ASTN1: variants seen among roughly 807,000 people sequenced by gnomAD.
The protein encoded by ASTN1 is astrotactin-1.
ASTN1 carries 41 observed loss-of-function variants against 140.7 expected under a neutral mutation model. The ratio of observed to expected loss-of-function variants is 0.29; its 90% CI spans 0.23 to 0.38. ASTN1 has a LOEUF of 0.38. Among genes scored for constraint, ASTN1 ranks in the 10% least tolerant of loss-of-function variants. ASTN1 has a pLI of 1.00. For missense variants in ASTN1, 1,479 were observed against 1,678.8 expected, an observed-to-expected ratio of 0.88 and a Z score of 2.08; for synonymous variants, 640 against 652.2, an observed-to-expected ratio of 0.98 and a Z score of 0.29.
chr1:177,141,458 A>C (rs1231776100), intron 1 of ASTN1, among the ~76,000 whole-genome samples: 1 of 141,286 alleles, frequency 7.1e-6, no homozygotes, highest in African/African-American at 3.1e-5. Flanking sequence ...GATCTGATTG[A>C]TGAATATGGG....
chr1:176,917,965 CATCAT>C (rs1670561964), intron 16 of ASTN1, among the ~76,000 whole-genome samples: 1 of 152,150 alleles, frequency 6.6e-6, no homozygotes. Context: ...CTATTTCCAT[CATCAT>C]TATTTCTCAG....
chr1:176,868,688 T>C, intron 22 of ASTN1, 156 bp downstream of exon 22: 1 of 707,298 alleles, frequency 1.4e-6, no homozygotes, highest in Non-Finnish European at 2.1e-6. Flanking sequence ...AAAACTAATC[T>C]GCATGGACTG....
chr1:176,999,046 T>A (rs923190157), intron 8 of ASTN1, among the ~76,000 whole-genome samples: 5 of 152,228 alleles, frequency 3.3e-5, no homozygotes, highest in Non-Finnish European at 7.3e-5. Context: ...TTATTACCTA[T>A]TATTATTGTC....
rs1168349895 is a variant in ASTN1 at position 176,862,859 on chromosome 1, G to A, written c.*1425C>T. 1 of 985,324 alleles carries A rather than the reference G, an allele frequency of 1.0e-6. No individual in the cohort carries two copies. The highest frequency in any genetic ancestry group is 1.7e-5 in the African/African-American group (1 of 57,242). The allele number at this position is 985,324 out of a possible 1,614,324, so 61.0% of individuals were successfully genotyped here. ...AGAAAAAAAACCAATATAGCTCAAT[G>A]ACTAGCCTTATAGGTCTTGCATCTG... On this transcript the variant is annotated 3_prime_UTR_variant, in exon 23 of 23. Transcript: ENST00000361833.
At chr1:176,951,825 A>C (rs528859892) in intron 11 of ASTN1, among the ~76,000 whole-genome samples, 1 of 152,356 alleles carries the variant, frequency 6.6e-6, no homozygotes, top group South Asian at 2.1e-4. Context: ...CAATAAAGCC[A>C]AAAATAGTAT....
chr1:176,979,956 T>C (rs1013454357), intron 8 of ASTN1, among the ~76,000 whole-genome samples: 3 of 152,196 alleles, frequency 2.0e-5, no homozygotes, highest in Middle Eastern at 3.4e-3. Context: ...AATTAACTGG[T>C]GACAAAATTA....
At chr1:176,933,450 T>C (rs376086948) in intron 16 of ASTN1, among the ~76,000 whole-genome samples, 8 of 152,246 alleles carry the variant, frequency 5.3e-5, no homozygotes, top group East Asian at 1.9e-4. Context: ...AGAAATTCCA[T>C]GAATGGCAAT....
At chr1:177,030,544 GATGAACGGCCTTTT>G (rs1317252660) in intron 4 of ASTN1, among the ~76,000 whole-genome samples, 2 of 152,182 alleles carry the variant, frequency 1.3e-5, no homozygotes, top group African/African-American at 4.8e-5. Context: ...ACAATGCTGT[GATGAACGGCCTTTT>G]ACACACTTCT....
chr1:176,991,139 G>A (rs935078344), intron 8 of ASTN1, among the ~76,000 whole-genome samples: 2 of 152,070 alleles, frequency 1.3e-5, no homozygotes, highest in African/African-American at 2.4e-5. Flanking sequence ...CGGGTGCAGT[G>A]GCTCATGCCT....
intron 16 of ASTN1, among the ~76,000 whole-genome samples, chr1:176,933,424 TG>T (rs1300352447): frequency 2.0e-5 from 3 of 152,230 alleles, no homozygotes; most frequent in African/African-American, 7.2e-5. Context: ...CAGAATGCCA[TG>T]TGGATAAACT....
intron 21 of ASTN1, among the ~76,000 whole-genome samples, chr1:176,869,344 CTTAAGT>C (rs1210709202): frequency 1.3e-5 from 2 of 152,070 alleles, no homozygotes; most frequent in African/African-American, 4.8e-5. Flanking sequence ...CCCCACCAGG[CTTAAGT>C]TTTCTATTCT....
rs1303402783 is a variant in ASTN1, at chr1:176,866,595, A to G, written c.3648-2074T>C. The stretch of plus-strand genomic sequence containing the variant: ...AACAAAGAACTTACATCATCCTTCC[A>G]AAAGAATGAATTAAATTAGTCCACA... On this transcript the variant is annotated intron_variant, in intron 22 of 22. Transcript: ENST00000361833. Among the ~76,000 whole-genome samples, 5 of 152,204 alleles carry G rather than the reference A, an allele frequency of 3.3e-5. No homozygotes were observed. The East Asian group carries it at 9.6e-4, about 29-fold the overall frequency.
chr1:177,036,842 C>T (rs1237067852), intron 2 of ASTN1, among the ~76,000 whole-genome samples: 2 of 151,662 alleles, frequency 1.3e-5, no homozygotes, highest in African/African-American at 4.8e-5. Context: ...TTTTTTGAGA[C>T]AGGGTCTCAC....
intron 21 of ASTN1, among the ~76,000 whole-genome samples, chr1:176,872,570 A>G (rs1668393982): frequency 6.6e-6 from 1 of 152,306 alleles, no homozygotes; most frequent in Middle Eastern, 3.4e-3. Context: ...GGCAGGGGCC[A>G]CTTCACAGTC....
intron 2 of ASTN1, among the ~76,000 whole-genome samples, chr1:177,038,317 C>A (rs1330288556): frequency 2.0e-5 from 3 of 152,238 alleles, no homozygotes; most frequent in African/African-American, 7.2e-5. Flanking sequence ...TTGTCTATCT[C>A]ATTTGCTAGA....
At chr1:176,911,340 C>A (rs1394459253) in intron 16 of ASTN1, among the ~76,000 whole-genome samples, 2 of 152,046 alleles carry the variant, frequency 1.3e-5, no homozygotes, top group African/African-American at 2.4e-5. Flanking sequence ...ACTAAATTTA[C>A]TTTTGTTTTT....
chr1:177,031,665 T>A (rs1366123812), intron 3 of ASTN1, among the ~76,000 whole-genome samples: 1 of 152,222 alleles, frequency 6.6e-6, no homozygotes, highest in African/African-American at 2.4e-5. Context: ...AAAGTCTATA[T>A]ATAGTAAGCA....
Position 176,884,336 on chromosome 1 carries a change from C to T in ASTN1, c.3226+3G>A, listed in dbSNP as rs79630456. On this transcript the variant is annotated splice_donor_region_variant and intron_variant, in intron 19 of 22. Coordinates refer to ENST00000361833, the MANE Select transcript of ASTN1 (RefSeq NM_004319.3). ...ACAAGCCCATGAAGTAGAAGGTGCT[C>T]ACCTGTCTCCACTTTGGAGTGGTCC... The T allele has an allele frequency of 3.9e-4, 625 of 1,612,894 alleles. 4 individuals carry two copies. In the East Asian group the frequency reaches 0.013, roughly 34 times the overall value.
chr1:176,946,368 T>C (rs1671959623), intron 12 of ASTN1, among the ~76,000 whole-genome samples: 1 of 152,214 alleles, frequency 6.6e-6, no homozygotes, highest in African/African-American at 2.4e-5. Context: ...GTCAGAACTT[T>C]AGAGTAGCCT....
Sources: gnomAD v4.1 joint callset for allele counts (sites outside exome capture counted in the v4.1 genomes callset) on GRCh38, gnomAD v4.1.1 for gene constraint, MANE v1.5 for transcripts, NCBI Gene and HGNC (gene_info 2026-07-23, HGNC 2026-07-21) for gene names.